Variants in ABCC1 observed in about 807,000 individuals in gnomAD.
The protein encoded by ABCC1 is ATP binding cassette subfamily C member 1 (ABCC1 blood group), also known as multidrug resistance-associated protein 1.
ABCC1 carries 83 observed loss-of-function variants against 172.9 expected under a neutral mutation model. The ratio of observed to expected loss-of-function variants is 0.48; its 90% confidence interval spans 0.40 to 0.58. The LOEUF (loss-of-function observed/expected upper bound fraction) is 0.58, where lower values mean the gene tolerates loss of function less well. Among genes scored for constraint, ABCC1 ranks in the 20% least tolerant of loss-of-function variants. The pLI is 0.00. For synonymous variants in ABCC1, 937 were observed against 825.2 expected (o/e 1.14, Z -2.32); for missense variants, 1,817 against 2,002.7 (o/e 0.91, Z 1.77).
intron 1 of ABCC1, among the ~76,000 whole-genome samples, chr16:15,996,403 G>T (rs907731967): frequency 6.6e-6 from 1 of 152,166 alleles, no homozygotes; most frequent in Non-Finnish European, 1.5e-5. Context: ...GGAAATATAG[G>T]CATGAGCCAC....
At chr16:15,973,354 C>T (rs190343836) in intron 1 of ABCC1, among the ~76,000 whole-genome samples, 2 of 152,184 alleles carry the variant, frequency 1.3e-5, no homozygotes, top group African/African-American at 4.8e-5. Context: ...TTGGCTGTCA[C>T]GATGGGGCAG....
intron 7 of ABCC1, among the ~76,000 whole-genome samples, chr16:16,036,881 G>A (rs1422281308): frequency 6.6e-6 from 1 of 152,124 alleles, no homozygotes. Context: ...CAAGGCAGGC[G>A]GATCACTTGG....
chr16:15,978,676 G>T (rs1156771386), intron 1 of ABCC1, among the ~76,000 whole-genome samples: 1 of 152,124 alleles, frequency 6.6e-6, no homozygotes, highest in Non-Finnish European at 1.5e-5. Context: ...GGGTGGGCCG[G>T]TGGTTGGGTC....
Position 16,044,479 on chromosome 16 carries a change from A to AG in ABCC1, c.841dup (p.Asp281GlyfsTer15). 3.1e-6 allele frequency: 5 copies of AG among 1,614,172 alleles called. No homozygotes were observed. The highest frequency in any genetic ancestry group is 4.2e-6 in the Non-Finnish European group (5 of 1,180,018). ...CCGGTGAAGGTTGTGTACTCCTCCA[A>AG]GGATCCTGCCCAGCCGAAAGAGAGT... On this transcript the variant is annotated frameshift_variant, in exon 8 of 31. Transcript: ENST00000399410. LOFTEE classifies it high-confidence loss of function.
chr16:16,031,599 C>T (rs2048559848), intron 5 of ABCC1, among the ~76,000 whole-genome samples: 1 of 152,108 alleles, frequency 6.6e-6, no homozygotes, highest in African/African-American at 2.4e-5. Context: ...CTTCTTGGTT[C>T]CTGGAGTCTA....
chr16:15,990,020 G>C (rs187256700), intron 1 of ABCC1, among the ~76,000 whole-genome samples: 2 of 152,124 alleles, frequency 1.3e-5, no homozygotes, highest in Non-Finnish European at 2.9e-5. Context: ...GGGATTACAG[G>C]TGTGAGCCAC....
chr16:15,988,401 C>T lies in ABCC1; in HGVS notation c.49-19415C>T, dbSNP rs1456424522. 3.9e-5 allele frequency among the ~76,000 whole-genome samples: 6 copies of T among 152,272 alleles called. No individual in the cohort carries two copies. The South Asian group carries it at 6.2e-4, about 16-fold the overall frequency. ...CTGCTGGGCCCTCAGCCCTAGGAAC[C>T]GTGCTCTGTAAATGGATGAATGCTG... is the stretch of plus-strand genomic sequence containing the variant. On this transcript the variant is annotated intron_variant, in intron 1 of 30. Coordinates refer to ENST00000399410, the MANE Select transcript of ABCC1 (RefSeq NM_004996.4).
At chr16:16,116,463 AT>A (rs1267271507) in intron 23 of ABCC1, among the ~76,000 whole-genome samples, 2 of 152,194 alleles carry the variant, frequency 1.3e-5, no homozygotes, top group Non-Finnish European at 2.9e-5. Context: ...TAATTTATAA[AT>A]TTGGCATAAT....
intron 5 of ABCC1, among the ~76,000 whole-genome samples, chr16:16,031,354 G>A (rs2048552901): frequency 6.6e-6 from 1 of 152,148 alleles, no homozygotes; most frequent in African/African-American, 2.4e-5. Context: ...TTTAGACCCG[G>A]ATGCATCCAT....
intron 7 of ABCC1, among the ~76,000 whole-genome samples, chr16:16,036,812 AAAG>A (rs1230149026): frequency 6.6e-6 from 1 of 152,188 alleles, no homozygotes; most frequent in Non-Finnish European, 1.5e-5. Flanking sequence ...TGGGCAGAGA[AAAG>A]AAGAAAGAAG....
chr16:16,072,772 T>G (rs2050400609), intron 14 of ABCC1, among the ~76,000 whole-genome samples: 1 of 151,992 alleles, frequency 6.6e-6, no homozygotes, highest in East Asian at 2.0e-4. Flanking sequence ...CCGGGCACAG[T>G]GGCTCACGCC....
intron 14 of ABCC1, among the ~76,000 whole-genome samples, chr16:16,073,162 A>G (rs1255599957): frequency 6.6e-5 from 10 of 152,080 alleles, no homozygotes; most frequent in African/African-American, 2.4e-4. Flanking sequence ...CAACTTGTCC[A>G]TTACTCACCA....
chr16:16,047,057 G>T (rs1046738591), intron 9 of ABCC1, among the ~76,000 whole-genome samples: 5 of 152,050 alleles, frequency 3.3e-5, no homozygotes, highest in Admixed American at 1.3e-4. Context: ...AATTAGCCAG[G>T]TATGGTGGTG....
chr16:15,991,053 G>C (rs375050205), intron 1 of ABCC1, among the ~76,000 whole-genome samples: 16 of 152,240 alleles, frequency 1.1e-4, no homozygotes, highest in Non-Finnish European at 1.8e-4. Flanking sequence ...TAGACATTTA[G>C]TTGTCTCCAT....
intron 20 of ABCC1, chr16:16,105,456 C>T (rs2052039468): frequency 6.6e-6 from 1 of 152,202 alleles, no homozygotes; most frequent in African/African-American, 2.4e-5. Flanking sequence ...GCACAGATCT[C>T]ATGGGTAAGG....
Position 16,049,999 on chromosome 16 carries a change from C to G in ABCC1, c.1380+1696C>G, listed in dbSNP as rs184356821. Among the ~76,000 whole-genome samples the G allele has an allele frequency of 1.4e-4, 22 of 152,184 alleles. No individual in the cohort carries two copies. The East Asian group carries it at 4.2e-3, about 29-fold the overall frequency. ...GTGAGCCACCGTGCCCAGCCCACTC[C>G]CTGAAATAGTTTTGTTTTGTTTTTT... On this transcript the variant is annotated intron_variant, in intron 10 of 30. Coordinates refer to ENST00000399410, the MANE Select transcript of ABCC1 (RefSeq NM_004996.4).
intron 7 of ABCC1, among the ~76,000 whole-genome samples, chr16:16,038,903 G>A (rs1362269668): frequency 6.6e-6 from 1 of 152,166 alleles, no homozygotes; most frequent in Non-Finnish European, 1.5e-5. Context: ...AGACACCATG[G>A]GAGAGGCCAA....
At chr16:16,099,057 A>G (rs2051610533) in intron 19 of ABCC1, among the ~76,000 whole-genome samples, 1 of 152,186 alleles carries the variant, frequency 6.6e-6, no homozygotes, top group South Asian at 2.1e-4. Context: ...TTTACTGGGT[A>G]CCTACTGTGT....
Position 16,106,813 on chromosome 16 carries a change from T to G in ABCC1, c.2811T>G (p.Ala937=). 1.9e-6 allele frequency: 3 copies of G among 1,614,104 alleles called. 1 individual carries two copies. The South Asian group carries it at 3.3e-5, about 18-fold the overall frequency. The part of the protein sequence containing the change: ...HHNSTAELQK[A]EAKKEETWKL... The stretch of plus-strand genomic sequence containing the variant: ...ACAGCACCGCAGAACTGCAGAAAGC[T>G]GAGGCCAAGAAGGAGGAGACCTGGA... Residue 937 remains alanine (A), a synonymous_variant, in exon 21 of 31, where the codon GCT becomes GCG. Transcript: ENST00000399410.
Sources: allele counts gnomAD v4.1 joint callset (sites outside exome capture counted in the v4.1 genomes callset), GRCh38; gene constraint gnomAD v4.1.1; transcripts MANE v1.5; gene names NCBI Gene and HGNC (gene_info 2026-07-23, HGNC 2026-07-21).